SAXO4: variants seen among roughly 807,000 people sequenced by gnomAD.
SAXO4 encodes the protein stabilizer of axonemal microtubules 4.
chr11:61,486,242 C>T, the SAXO4 span: 1 of 1,256,758 alleles, frequency 8.0e-7, no homozygotes, highest in South Asian at 1.3e-5. Flanking sequence ...GAGTCCTCCT[C>T]TGTGCTCAGC....
the SAXO4 span, chr11:61,489,573 A>G: frequency 9.8e-6 from 6 of 613,964 alleles, no homozygotes; most frequent in South Asian, 1.9e-5. Flanking sequence ...TTAACACTCC[A>G]AAGAGTGTTT....
At chr11:61,487,319 C>G in the SAXO4 span, 1 of 1,231,500 alleles carries the variant, frequency 8.1e-7, no homozygotes, top group Non-Finnish European at 1.2e-6. Flanking sequence ...GAGCTCACAG[C>G]CTCGTGGAGA....
the SAXO4 span, chr11:61,481,769 G>A: frequency 8.2e-7 from 1 of 1,224,212 alleles, no homozygotes; most frequent in Non-Finnish European, 1.1e-6. Flanking sequence ...GGCTCCCCGT[G>A]CTTCCTTTCT....
At chr11:61,484,909 A>T in the SAXO4 span, 1 of 1,437,442 alleles carries the variant, frequency 7.0e-7, no homozygotes, top group Non-Finnish European at 9.2e-7. Context: ...GCACTGACTC[A>T]CCCAAGAAGC....
the SAXO4 span, chr11:61,486,408 G>C: frequency 1.2e-6 from 2 of 1,614,176 alleles, no homozygotes; most frequent in Non-Finnish European, 1.7e-6. Flanking sequence ...CTACATGTAA[G>C]CTGAGCTAGG....
the SAXO4 span, among the ~76,000 whole-genome samples, chr11:61,488,468 C>T: frequency 1.3e-5 from 2 of 152,026 alleles, no homozygotes; most frequent in Non-Finnish European, 2.9e-5. Context: ...CCACGCCCGG[C>T]TACATTTTTG....
At chr11:61,481,768 T>C in the SAXO4 span, 5 of 1,210,478 alleles carry the variant, frequency 4.1e-6, no homozygotes, top group East Asian at 1.4e-4. Context: ...AGGCTCCCCG[T>C]GCTTCCTTTC....
the SAXO4 span, chr11:61,482,297 T>C: frequency 6.2e-7 from 1 of 1,612,078 alleles, no homozygotes; most frequent in East Asian, 2.2e-5. Flanking sequence ...GTCTCCCCGT[T>C]ACCCCTCTGG....
chr11:61,487,323 G>A, the SAXO4 span: 224 of 1,194,190 alleles, frequency 1.9e-4, 2 homozygotes, highest in Admixed American at 1.5e-3. Context: ...TCACAGCCTC[G>A]TGGAGAAGAT....
At chr11:61,486,525 G>A in the SAXO4 span, 1 of 1,613,982 alleles carries the variant, frequency 6.2e-7, no homozygotes, top group African/African-American at 1.3e-5. Flanking sequence ...TCCCTCCAGG[G>A]AGATGAGTTC....
chr11:61,488,072 C>T, the SAXO4 span, among the ~76,000 whole-genome samples: 4 of 150,896 alleles, frequency 2.7e-5, no homozygotes, highest in Admixed American at 6.6e-5. Flanking sequence ...CCGCAACCTT[C>T]GCCTCATGGG....
the SAXO4 span, chr11:61,490,794 C>A: frequency 1.7e-6 from 1 of 590,748 alleles, no homozygotes; most frequent in East Asian, 2.8e-5. Flanking sequence ...TCAGGCCTCG[C>A]CTCTGCTTCT....
At chr11:61,487,487 T>TTA in the SAXO4 span, among the ~76,000 whole-genome samples, 1 of 152,060 alleles carries the variant, frequency 6.6e-6, no homozygotes, top group Non-Finnish European at 1.5e-5. Flanking sequence ...AGGCCAGCTA[T>TTA]CCCACTGGGA....
chr11:61,489,343 T>C, the SAXO4 span: 18 of 309,058 alleles, frequency 5.8e-5, no homozygotes, highest in Middle Eastern at 1.8e-3. Flanking sequence ...TCATCACTGA[T>C]TCCTGCATTG....
At chr11:61,482,571 G>A in the SAXO4 span, 1 of 1,603,126 alleles carries the variant, frequency 6.2e-7, no homozygotes, top group Non-Finnish European at 8.5e-7. Flanking sequence ...TGAGCCATCT[G>A]TGGGAGGGTG....
chr11:61,483,354 G>A, the SAXO4 span, among the ~76,000 whole-genome samples: 1 of 151,836 alleles, frequency 6.6e-6, no homozygotes, highest in Admixed American at 6.6e-5. Context: ...TTTTAGTACA[G>A]ACAGGGTTTC....
At chr11:61,486,195 A>C in the SAXO4 span, 1 of 818,852 alleles carries the variant, frequency 1.2e-6, no homozygotes. Context: ...TCTTCTCCCC[A>C]AACACTTCCC....
At chr11:61,490,355 T>A in the SAXO4 span, 1 of 755,110 alleles carries the variant, frequency 1.3e-6, no homozygotes. Context: ...TGGCCCAGAG[T>A]TGGCAGGCAA....
chr11:61,482,350 G>A, the SAXO4 span: 47 of 1,614,060 alleles, frequency 2.9e-5, no homozygotes, highest in Middle Eastern at 3.3e-4. Context: ...AGTCACGTAG[G>A]CACCGGCTAC....
Sources: allele counts gnomAD v4.1 joint callset (sites outside exome capture counted in the v4.1 genomes callset), GRCh38; gene constraint gnomAD v4.1.1; transcripts MANE v1.5; gene names NCBI Gene and HGNC (gene_info 2026-07-23, HGNC 2026-07-21).